Variants in PRKN observed in about 807,000 individuals in gnomAD.
PRKN encodes parkin RBR E3 ubiquitin protein ligase, also known as E3 ubiquitin-protein ligase parkin.
In PRKN, 56 loss-of-function variants were observed where a neutral mutation model predicts 59.5. That is an observed-to-expected ratio of 0.94 (90% confidence interval 0.76 to 1.18). PRKN has a LOEUF of 1.18. Among genes scored for constraint, PRKN ranks in the 50% most tolerant of loss-of-function variants. The pLI, the probability that PRKN is intolerant of heterozygous loss-of-function variation, is 0.00. For synonymous variants in PRKN, 250 were observed against 222.1 expected (o/e 1.13, Z -1.12); for missense variants, 657 against 596.4 (o/e 1.10, Z -1.06).
At chr6:161,682,853 C>T (rs563716514) in intron 7 of PRKN, among the ~76,000 whole-genome samples, 6 of 152,220 alleles carry the variant, frequency 3.9e-5, no homozygotes, top group East Asian at 3.9e-4. Context: ...TGGATGCACC[C>T]CAATCCCCCA....
At chr6:161,595,244 G>A (rs1027325545) in intron 7 of PRKN, among the ~76,000 whole-genome samples, 4 of 152,134 alleles carry the variant, frequency 2.6e-5, no homozygotes, top group Admixed American at 2.6e-4. Flanking sequence ...ACGGCAAAAA[G>A]TTGAGAGGGA....
intron 1 of PRKN, among the ~76,000 whole-genome samples, chr6:162,626,180 T>C (rs1003938815): frequency 3.3e-5 from 5 of 152,226 alleles, no homozygotes; most frequent in Non-Finnish European, 5.9e-5. Context: ...GGGGTTAATC[T>C]GGTTTTTGCA....
chr6:161,964,227 T>C (rs1417773057), intron 6 of PRKN, among the ~76,000 whole-genome samples: 1 of 152,062 alleles, frequency 6.6e-6, no homozygotes, highest in Non-Finnish European at 1.5e-5. Context: ...ATGTGATAGA[T>C]TCAATTTCTT....
chr6:162,058,384 G>A (rs1777951950), intron 4 of PRKN, among the ~76,000 whole-genome samples: 1 of 152,092 alleles, frequency 6.6e-6, no homozygotes, highest in African/African-American at 2.4e-5. Flanking sequence ...GTGCTCCCTG[G>A]GATGGTAGGT....
chr6:162,308,904 CATAGTTATTCAACT>C (rs1782351604), intron 2 of PRKN, among the ~76,000 whole-genome samples: 1 of 151,858 alleles, frequency 6.6e-6, no homozygotes, highest in Admixed American at 6.6e-5. Flanking sequence ...TTTTTCCTAG[CATAGTTATTCAACT>C]AAGATATTTT....
intron 7 of PRKN, among the ~76,000 whole-genome samples, chr6:161,630,457 G>T (rs1046857831): frequency 6.6e-6 from 1 of 152,092 alleles, no homozygotes; most frequent in African/African-American, 2.4e-5. Context: ...TAGAATTTCA[G>T]AACTGAAATT....
chr6:161,768,635 A>C (rs1464443616), intron 7 of PRKN, among the ~76,000 whole-genome samples: 3 of 152,232 alleles, frequency 2.0e-5, no homozygotes, highest in Non-Finnish European at 4.4e-5. Flanking sequence ...CCTGTAGCCC[A>C]ATGAACCATA....
intron 1 of PRKN, among the ~76,000 whole-genome samples, chr6:162,508,776 C>T (rs562149117): frequency 8.6e-5 from 13 of 152,044 alleles, no homozygotes; most frequent in South Asian, 4.2e-4. Context: ...TATATAAGCC[C>T]GGGAGGTTGA....
chr6:161,963,032 A>G (rs1780442767), intron 6 of PRKN, among the ~76,000 whole-genome samples: 1 of 152,108 alleles, frequency 6.6e-6, no homozygotes, highest in Non-Finnish European at 1.5e-5. Flanking sequence ...AATCCCAGCT[A>G]CTCAGGAGGC....
intron 1 of PRKN, among the ~76,000 whole-genome samples, chr6:162,601,117 T>C (rs1781690511): frequency 6.6e-6 from 1 of 152,158 alleles, no homozygotes; most frequent in African/African-American, 2.4e-5. Context: ...AGGGCCTTTT[T>C]GCTGCATCAT....
At chr6:161,915,467 A>T (rs746547176) in intron 6 of PRKN, among the ~76,000 whole-genome samples, 9 of 152,204 alleles carry the variant, frequency 5.9e-5, no homozygotes, top group Non-Finnish European at 1.3e-4. Flanking sequence ...AATCCAAAAT[A>T]GAGTTTTAAT....
chr6:161,369,780 A>AT lies in PRKN; in HGVS notation c.1168-9576dup, dbSNP rs1785366641. Among the ~76,000 whole-genome samples the AT allele has an allele frequency of 2.0e-5, 3 of 152,104 alleles. No homozygotes were observed. The highest frequency in any genetic ancestry group is 1.9e-4 in the East Asian group (1 of 5,188). ...TATGAAACATCTATAATATACTTAT[A>AT]TATAGATGTTTCATATATATATTTC... On this transcript the variant is annotated intron_variant, in intron 10 of 11. Transcript: ENST00000366898. The surrounding 1 kb of genome is among the most constrained non-coding windows in gnomAD (Gnocchi z 5.8).
At chr6:162,279,431 AAAAG>A (rs920853566) in intron 2 of PRKN, among the ~76,000 whole-genome samples, 28 of 151,996 alleles carry the variant, frequency 1.8e-4, no homozygotes, top group South Asian at 4.2e-4. Flanking sequence ...GAAAGAAAGA[AAAAG>A]AAAGAAAGAA....
chr6:162,446,280 AG>A (rs1790314805), intron 1 of PRKN, among the ~76,000 whole-genome samples: 2 of 152,222 alleles, frequency 1.3e-5, no homozygotes, highest in Admixed American at 1.3e-4. Context: ...TAGTGAGAAT[AG>A]ATTTAAAGTA....
At chr6:162,021,373 C>T (rs1478449974) in intron 5 of PRKN, among the ~76,000 whole-genome samples, 2 of 146,256 alleles carry the variant, frequency 1.4e-5, no homozygotes, top group African/African-American at 5.0e-5. Flanking sequence ...CATCCAATCC[C>T]TTTATGCTTT....
At chr6:161,734,663 G>T (rs1298671408) in intron 7 of PRKN, among the ~76,000 whole-genome samples, 1 of 152,176 alleles carries the variant, frequency 6.6e-6, no homozygotes, top group African/African-American at 2.4e-5. Context: ...GCATAGGTGA[G>T]TTTTTAATGC....
At chr6:162,662,159 A>G (rs1778911126) in intron 1 of PRKN, among the ~76,000 whole-genome samples, 1 of 151,850 alleles carries the variant, frequency 6.6e-6, no homozygotes, top group South Asian at 2.1e-4. Context: ...GGATCGAATG[A>G]TAGTTCTATT....
chr6:161,605,990 T>C (rs141327026), intron 7 of PRKN, among the ~76,000 whole-genome samples: 299 of 152,212 alleles, frequency 2.0e-3, no homozygotes, highest in African/African-American at 6.8e-3. Context: ...CATAAGCTCT[T>C]TGGGGGCCTG....
chr6:161,525,618 G>T lies in PRKN; in HGVS notation c.1083+23236C>A, dbSNP rs148136051. Among the ~76,000 whole-genome samples the T allele has an allele frequency of 1.6e-4, 24 of 152,242 alleles. No individual in the cohort carries two copies. Among genetic ancestry groups the T allele is most frequent in the African/African-American group, 5.3e-4 (22 of 41,552 alleles). ...GAGAAGGCTGTAGGAGGCAGTTCCC[G>T]GAGCCTAAGTATTAAAATATGAACA... On this transcript the variant is annotated intron_variant, in intron 9 of 11. Transcript: ENST00000366898. This position sits in a 1 kb window ranked among gnomAD's most constrained non-coding sequence, Gnocchi z 4.7.
Sources: allele counts gnomAD v4.1 joint callset (sites outside exome capture counted in the v4.1 genomes callset), GRCh38; gene constraint gnomAD v4.1.1; non-coding constraint Gnocchi (gnomAD v3.1); transcripts MANE v1.5; gene names NCBI Gene and HGNC (gene_info 2026-07-23, HGNC 2026-07-21).